Variants in PKHD1 observed in about 807,000 individuals in gnomAD.
The protein encoded by PKHD1 is PKHD1 ciliary IPT domain containing fibrocystin/polyductin, also known as fibrocystin.
A neutral mutation model predicts 412.0 loss-of-function variants in PKHD1; 291 were observed. That is an observed-to-expected ratio of 0.71 (90% confidence interval 0.64 to 0.78). The LOEUF is 0.78. Among genes scored for constraint, PKHD1 ranks in the 30% least tolerant of loss-of-function variants. The pLI is 0.00. For missense variants in PKHD1, 4,825 were observed against 4,950.7 expected, an observed-to-expected ratio of 0.97 and a Z score of 0.76; for synonymous variants, 1,777 against 1,821.5, an observed-to-expected ratio of 0.98 and a Z score of 0.62.
At chr6:52,071,615 TTTA>T (rs1443753405) in intron 8 of PKHD1, among the ~76,000 whole-genome samples, 1 of 152,114 alleles carries the variant, frequency 6.6e-6, no homozygotes, top group Non-Finnish European at 1.5e-5. Flanking sequence ...TTCTAAATTT[TTTA>T]TTATTTTTAC....
intron 36 of PKHD1, among the ~76,000 whole-genome samples, chr6:51,945,540 C>G (rs573801146): frequency 6.6e-6 from 1 of 152,206 alleles, no homozygotes; most frequent in African/African-American, 2.4e-5. Flanking sequence ...AATGGAGGCA[C>G]AAGGCTCATG....
chr6:52,032,879 T>TC, intron 29 of PKHD1, 151 bp downstream of exon 29: 1 of 713,140 alleles, frequency 1.4e-6, no homozygotes, highest in Non-Finnish European at 2.5e-6. Context: ...GGAGATTGAT[T>TC]CGATGATGGC....
At chr6:51,765,131 T>C (rs1449478620) in intron 55 of PKHD1, among the ~76,000 whole-genome samples, 1 of 151,938 alleles carries the variant, frequency 6.6e-6, no homozygotes, top group Non-Finnish European at 1.5e-5. Flanking sequence ...CTTCCTCCAT[T>C]CATCAGTGTG....
chr6:51,659,329 G>A lies in PKHD1; in HGVS notation c.10797C>T (p.His3599=), dbSNP rs577357613. ...AGGTCTCTTCATGGCCAGGCATCTC[G>A]TGAATAAACCTGATTTGGTTTTGGC... ...QIGQNQIRFI[H]EMPGHEETLK... Residue 3599 remains histidine, a synonymous_variant, in exon 61 of 67, where the codon CAC becomes CAT. Coordinates refer to ENST00000371117, the MANE Select transcript of PKHD1 (RefSeq NM_138694.4). 6.9e-5 allele frequency: 112 copies of A among 1,613,700 alleles called. No individual in the cohort carries two copies. The highest frequency in any genetic ancestry group is 1.2e-4 in the Admixed American group (7 of 59,906).
At chr6:51,889,764 C>T (rs1470358012) in intron 43 of PKHD1, among the ~76,000 whole-genome samples, 3 of 152,118 alleles carry the variant, frequency 2.0e-5, no homozygotes, top group Admixed American at 1.3e-4. Flanking sequence ...GAGAGAGTAA[C>T]GCTAAGGGTT....
At chr6:51,845,412 G>A (rs935688766) in intron 50 of PKHD1, among the ~76,000 whole-genome samples, 6 of 152,178 alleles carry the variant, frequency 3.9e-5, no homozygotes, top group African/African-American at 9.7e-5. Context: ...ACACTCAGAG[G>A]ATAAAGGAGG....
chr6:51,801,343 T>A (rs1762875260), intron 52 of PKHD1, among the ~76,000 whole-genome samples: 1 of 152,172 alleles, frequency 6.6e-6, no homozygotes, highest in African/African-American at 2.4e-5. Context: ...GAGATGATGG[T>A]ATTCAGTTCT....
chr6:51,787,630 C>G (rs1293047381), intron 53 of PKHD1, among the ~76,000 whole-genome samples: 2 of 152,110 alleles, frequency 1.3e-5, no homozygotes, highest in Non-Finnish European at 2.9e-5. Flanking sequence ...TACCTTTAGG[C>G]CTGGAACACA....
At position 52,069,115 on chromosome 6, in the gene PKHD1, G is replaced by T. The variant is rs1810193235; in HGVS notation, c.778+342C>A. 2.0e-5 allele frequency among the ~76,000 whole-genome samples: 3 copies of T among 152,150 alleles called. No individual in the cohort carries two copies. The South Asian group carries it at 6.2e-4, about 32-fold the overall frequency. ...ATTATTGAATGAATGCTCAGAGATG[G>T]ATGTTAAAGTAACTGGAAAGATGTG... is the stretch of plus-strand genomic sequence containing the variant. On this transcript the variant is annotated intron_variant, in intron 11 of 66. Coordinates refer to ENST00000371117, the MANE Select transcript of PKHD1 (RefSeq NM_138694.4).
At position 51,676,267 on chromosome 6, in the gene PKHD1, C is replaced by T. The variant is rs569784507; in HGVS notation, c.10157-16298G>A. Among the ~76,000 whole-genome samples the T allele has an allele frequency of 3.3e-3, 469 of 144,182 alleles. 3 individuals carry two copies. The highest frequency in any genetic ancestry group is 4.1e-3 in the Non-Finnish European group (269 of 65,942). 94.6% of individuals were successfully genotyped at this position (144,182 alleles called of 152,430 possible). ...TAAAAGAAAAGAAAAAAAAAAACTT[C>T]TATTCTTTATTTAGAAAAATGGATC... On this transcript the variant is annotated intron_variant, in intron 60 of 66. Transcript: ENST00000371117.
rs562567520 is a variant in PKHD1, at chr6:51,823,200, A to G, written c.8302+7661T>C. On this transcript the variant is annotated intron_variant, in intron 52 of 66. Coordinates refer to ENST00000371117, the MANE Select transcript of PKHD1 (RefSeq NM_138694.4). ...CAGGCTACAACAGAAGGTGCCCAAT[A>G]CGGTCACACCTCTGGGAGACTGAGG... 1.5e-3 allele frequency among the ~76,000 whole-genome samples: 221 copies of G among 152,270 alleles called. 2 individuals carry two copies. The South Asian group carries it at 0.023, about 16-fold the overall frequency.
intron 37 of PKHD1, among the ~76,000 whole-genome samples, chr6:51,913,037 A>G (rs572128019): frequency 6.6e-6 from 1 of 152,220 alleles, no homozygotes; most frequent in South Asian, 2.1e-4. Flanking sequence ...ATCTTACCAC[A>G]TAATAGACCC....
At chr6:51,690,640 C>T (rs890851745) in intron 60 of PKHD1, among the ~76,000 whole-genome samples, 7 of 152,170 alleles carry the variant, frequency 4.6e-5, no homozygotes, top group African/African-American at 1.4e-4. Flanking sequence ...TGGACCCCTT[C>T]CTTCACCATA....
intron 15 of PKHD1, among the ~76,000 whole-genome samples, chr6:52,059,152 A>G (rs1336823463): frequency 2.0e-5 from 3 of 152,138 alleles, no homozygotes; most frequent in Admixed American, 1.3e-4. Flanking sequence ...TTAGTGGAAA[A>G]GGCACAAGTT....
intron 37 of PKHD1, among the ~76,000 whole-genome samples, chr6:51,920,378 G>A (rs1784503685): frequency 6.6e-6 from 1 of 152,194 alleles, no homozygotes; most frequent in Non-Finnish European, 1.5e-5. Context: ...CATCTATTGA[G>A]ATAATCATGT....
intron 34 of PKHD1, among the ~76,000 whole-genome samples, chr6:52,016,486 A>G (rs2128128300): frequency 6.6e-6 from 1 of 152,162 alleles, no homozygotes; most frequent in South Asian, 2.1e-4. Flanking sequence ...AAATACAAAA[A>G]TTAGCTGGGC....
At chr6:52,008,584 G>A (rs563914642) in intron 35 of PKHD1, among the ~76,000 whole-genome samples, 267 of 152,282 alleles carry the variant, frequency 1.8e-3, no homozygotes, top group Middle Eastern at 3.4e-3. Context: ...AATCTAAGAA[G>A]TGAAATGATC....
intron 49 of PKHD1, among the ~76,000 whole-genome samples, chr6:51,855,486 C>T (rs906690184): frequency 5.3e-5 from 8 of 152,186 alleles, no homozygotes; most frequent in Non-Finnish European, 2.9e-5. Context: ...TGGCAGTATG[C>T]AATGTATAAA....
At chr6:51,679,076 G>T (rs958225282) in intron 60 of PKHD1, among the ~76,000 whole-genome samples, 1 of 152,046 alleles carries the variant, frequency 6.6e-6, no homozygotes, top group East Asian at 1.9e-4. Flanking sequence ...TGGCTATAAT[G>T]AGATTTGAAT....
Sources: gnomAD v4.1 joint callset for allele counts (sites outside exome capture counted in the v4.1 genomes callset) on GRCh38, gnomAD v4.1.1 for gene constraint, MANE v1.5 for transcripts, NCBI Gene and HGNC (gene_info 2026-07-23, HGNC 2026-07-21) for gene names.